The following INPP4B variants were observed in gnomAD, a reference collection of about 807,000 sequenced individuals.
INPP4B encodes inositol polyphosphate 4-phosphatase type II.
A neutral mutation model predicts 122.5 loss-of-function variants in INPP4B; 55 were observed. The observed-to-expected ratio is 0.45, with a 90% CI of 0.36 to 0.56. The LOEUF (loss-of-function observed/expected upper bound fraction) is 0.56, where lower values mean the gene tolerates loss of function less well. INPP4B is among the 20% of genes least tolerant of loss of function. The pLI is 0.00. For synonymous variants in INPP4B, 403 were observed against 388.7 expected (o/e 1.04, Z -0.43); for missense variants, 1,000 against 1,097.7 (o/e 0.91, Z 1.26).
At chr4:142,527,206 C>A (rs1827032030) in intron 2 of INPP4B, among the ~76,000 whole-genome samples, 1 of 150,828 alleles carries the variant, frequency 6.6e-6, no homozygotes, top group African/African-American at 2.4e-5. Flanking sequence ...CTAAATTCCC[C>A]ATCATAAGTA....
chr4:142,113,808 G>T (rs1341644087), intron 21 of INPP4B, among the ~76,000 whole-genome samples: 1 of 151,900 alleles, frequency 6.6e-6, no homozygotes, highest in Non-Finnish European at 1.5e-5. Context: ...AATTTTACCA[G>T]CTTTATTAAG....
At chr4:142,575,973 C>T (rs1049712243) in intron 2 of INPP4B, among the ~76,000 whole-genome samples, 6 of 152,042 alleles carry the variant, frequency 3.9e-5, no homozygotes, top group African/African-American at 9.7e-5. Flanking sequence ...CCCACCTGTG[C>T]CCTTTCATAG....
At chr4:142,125,293 T>A (rs773080149) in intron 18 of INPP4B, among the ~76,000 whole-genome samples, 2 of 151,978 alleles carry the variant, frequency 1.3e-5, no homozygotes, top group Non-Finnish European at 2.9e-5. Context: ...TCAACAGTGT[T>A]GCCAGAAACA....
At chr4:142,697,883 C>A (rs1007943875) in intron 2 of INPP4B, among the ~76,000 whole-genome samples, 15 of 151,974 alleles carry the variant, frequency 9.9e-5, no homozygotes, top group Non-Finnish European at 1.6e-4. Context: ...ATGTAAATAA[C>A]AATAATAATA....
chr4:142,598,207 G>A (rs998416579), intron 2 of INPP4B, among the ~76,000 whole-genome samples: 10 of 152,062 alleles, frequency 6.6e-5, no homozygotes, highest in Non-Finnish European at 1.2e-4. Flanking sequence ...ACAGGGAAAG[G>A]GTAAGTGAGA....
chr4:142,575,297 C>G (rs1179545120), intron 2 of INPP4B, among the ~76,000 whole-genome samples: 1 of 151,802 alleles, frequency 6.6e-6, no homozygotes, highest in Non-Finnish European at 1.5e-5. Context: ...TGGACTCACT[C>G]AAGAAAAAAA....
In INPP4B at chr4:142,626,171, G is replaced by T. The variant is rs1362772206; in HGVS notation, c.-191+99668C>A. ...ACTAAAGAGCTTCTGCACAACAAAA[G>T]AAACTACCATCAGAGTGAACAGGCA... On this transcript the variant is annotated intron_variant, in intron 2 of 25. Transcript: ENST00000262992. Among the ~76,000 whole-genome samples, 7 of 152,174 alleles carry T rather than the reference G, an allele frequency of 4.6e-5. No homozygotes were observed. In the East Asian group the frequency reaches 9.7e-4, roughly 21 times the overall value.
intron 9 of INPP4B, among the ~76,000 whole-genome samples, chr4:142,294,829 C>CAAAAAAAAAAAAAAAAAAAAAAAG (rs1757914473): frequency 3.5e-5 from 1 of 28,462 alleles, no homozygotes. Context: ...GACTCCGTCT[C>CAAAAAAAAAAAAAAAAAAAAAAAG]AAAAAAAAAA....
chr4:142,230,643 CAAAAAAAAAAAA>C (rs11309327), intron 12 of INPP4B, among the ~76,000 whole-genome samples: 1 of 79,596 alleles, frequency 1.3e-5, no homozygotes, highest in Non-Finnish European at 2.5e-5. Context: ...AACTCCACCT[CAAAAAAAAAAAA>C]AAAAAAAAAG....
chr4:142,618,458 G>T (rs1402761842), intron 2 of INPP4B, among the ~76,000 whole-genome samples: 1 of 151,980 alleles, frequency 6.6e-6, no homozygotes, highest in Non-Finnish European at 1.5e-5. Context: ...TTTTGATAAA[G>T]GTGTCAAGGA....
At chr4:142,274,151 A>G (rs1298599774) in intron 9 of INPP4B, among the ~76,000 whole-genome samples, 1 of 151,906 alleles carries the variant, frequency 6.6e-6, no homozygotes, top group African/African-American at 2.4e-5. Flanking sequence ...TAGCTTAATC[A>G]TTATTCATCA....
At position 142,209,044 on chromosome 4, in the gene INPP4B, G is replaced by T; in HGVS notation, c.837-18C>A. The T allele has an allele frequency of 6.4e-7, 1 of 1,569,112 alleles. No homozygotes were observed. The highest frequency in any genetic ancestry group is 8.7e-7 in the Non-Finnish European group (1 of 1,152,072). On this transcript the variant is annotated intron_variant, in intron 12 of 25. Coordinates refer to ENST00000262992, the MANE Select transcript of INPP4B (RefSeq NM_001101669.3). Reference sequence around the variant, plus strand: ...CCTGGTTTCTGTTAAGAGTGGAAGAGAAGAGAAACTTTATTTTTATCTTAA... The same window carrying T: ...CCTGGTTTCTGTTAAGAGTGGAAGATAAGAGAAACTTTATTTTTATCTTAA...
intron 2 of INPP4B, among the ~76,000 whole-genome samples, chr4:142,544,166 T>C (rs575586147): frequency 1.3e-5 from 2 of 150,626 alleles, no homozygotes; most frequent in African/African-American, 2.4e-5. Context: ...TGTAGGAACA[T>C]AGTGGACTGA....
At chr4:142,463,514 CT>C (rs1251691021) in intron 2 of INPP4B, among the ~76,000 whole-genome samples, 1 of 152,152 alleles carries the variant, frequency 6.6e-6, no homozygotes, top group African/African-American at 2.4e-5. Flanking sequence ...CTTTGCTGTT[CT>C]TAATTTGTAT....
chr4:142,109,764 G>A (rs336335), intron 22 of INPP4B, among the ~76,000 whole-genome samples: 152,276 of 152,286 alleles, frequency 1, 76,133 homozygotes, highest in Non-Finnish European at 1. Context: ...TGCATGAGCC[G>A]AACTGTAATG....
intron 25 of INPP4B, among the ~76,000 whole-genome samples, chr4:142,072,630 C>T (rs940571142): frequency 2.0e-5 from 3 of 150,868 alleles, no homozygotes; most frequent in African/African-American, 7.3e-5. Flanking sequence ...AGGAAGCTGC[C>T]ATGACAAAGA....
At chr4:142,123,197 G>T in intron 20 of INPP4B, 95 bp downstream of exon 20, 1 of 1,045,492 alleles carries the variant, frequency 9.6e-7, no homozygotes. Flanking sequence ...GCACAATAAA[G>T]GTTTACTTAT....
intron 7 of INPP4B, among the ~76,000 whole-genome samples, chr4:142,319,345 T>C (rs779243086): frequency 6.6e-6 from 1 of 152,218 alleles, no homozygotes; most frequent in Non-Finnish European, 1.5e-5. Context: ...ATAATGAATG[T>C]GTCTCATTTC....
intron 2 of INPP4B, among the ~76,000 whole-genome samples, chr4:142,588,889 CAATACTGAAA>C: frequency 6.6e-6 from 1 of 151,748 alleles, no homozygotes; most frequent in East Asian, 1.9e-4. Flanking sequence ...ATAGTCAACG[CAATACTGAAA>C]AAGATGAACA....
Sources: gnomAD v4.1 joint callset for allele counts (sites outside exome capture counted in the v4.1 genomes callset) on GRCh38, gnomAD v4.1.1 for gene constraint, MANE v1.5 for transcripts, NCBI Gene and HGNC (gene_info 2026-07-23, HGNC 2026-07-21) for gene names.